Variants in ADGRB3 observed in about 807,000 individuals in gnomAD.
ADGRB3 encodes the protein adhesion G protein-coupled receptor B3.
Under a neutral mutation model 193.4 loss-of-function variants are expected in ADGRB3, and 37 were observed. The observed-to-expected ratio is 0.19, with a 90% CI of 0.15 to 0.25. The LOEUF (loss-of-function observed/expected upper bound fraction) is 0.25. Ranked by LOEUF, ADGRB3 falls within the 10% of genes least tolerant of loss-of-function variation. ADGRB3 has a pLI of 1.00. For synonymous variants in ADGRB3, 690 were observed against 644.2 expected (o/e 1.07, Z -1.08); for missense variants, 1,637 against 1,852.9 (o/e 0.88, Z 2.14).
At chr6:68,756,021 G>A (rs1177103834) in intron 3 of ADGRB3, among the ~76,000 whole-genome samples, 2 of 152,122 alleles carry the variant, frequency 1.3e-5, no homozygotes, top group African/African-American at 4.8e-5. Context: ...GGCCCTATTA[G>A]GAAGAGCTTT....
At chr6:69,266,288 C>A (rs1050897983) in intron 20 of ADGRB3, among the ~76,000 whole-genome samples, 4 of 152,004 alleles carry the variant, frequency 2.6e-5, no homozygotes, top group Admixed American at 1.3e-4. Flanking sequence ...GGACAAAGAA[C>A]AAAATCTGCA....
At chr6:69,135,903 A>G (rs1414199903) in intron 17 of ADGRB3, among the ~76,000 whole-genome samples, 1 of 152,102 alleles carries the variant, frequency 6.6e-6, no homozygotes, top group Non-Finnish European at 1.5e-5. Context: ...CCTCTACAAA[A>G]GATTCCCTGT....
At chr6:68,841,809 T>C (rs935716220) in intron 3 of ADGRB3, among the ~76,000 whole-genome samples, 85 of 152,024 alleles carry the variant, frequency 5.6e-4, no homozygotes, top group African/African-American at 2.0e-3. Context: ...GAACTGAAAA[T>C]TAAAACAATT....
chr6:68,827,440 GA>G (rs1767866379), intron 3 of ADGRB3, among the ~76,000 whole-genome samples: 2 of 151,878 alleles, frequency 1.3e-5, no homozygotes, highest in East Asian at 1.9e-4. Flanking sequence ...CGATAAAAGA[GA>G]TTTTTTTTTT....
chr6:68,954,683 C>CTTT (rs146229021), intron 6 of ADGRB3, among the ~76,000 whole-genome samples: 60 of 140,718 alleles, frequency 4.3e-4, no homozygotes, highest in African/African-American at 1.4e-3. Context: ...CGTTCAATGG[C>CTTT]TTTTTTTTTT....
At chr6:69,157,989 A>G (rs1314782887) in intron 17 of ADGRB3, among the ~76,000 whole-genome samples, 1 of 152,140 alleles carries the variant, frequency 6.6e-6, no homozygotes, top group East Asian at 1.9e-4. Flanking sequence ...GTATTTTGTT[A>G]CTTGCAGTAG....
At chr6:68,824,592 A>G (rs9354803) in intron 3 of ADGRB3, among the ~76,000 whole-genome samples, 20,668 of 148,092 alleles carry the variant, frequency 0.14, 2,465 homozygotes, top group East Asian at 0.64. Context: ...ATACATATGT[A>G]TAATCATGCA....
chr6:68,909,971 G>A (rs1053134374), intron 3 of ADGRB3, among the ~76,000 whole-genome samples: 1 of 152,200 alleles, frequency 6.6e-6, no homozygotes, highest in African/African-American at 2.4e-5. Context: ...GATCCCTGAG[G>A]AATCGCCACG....
At chr6:68,942,465 G>A (rs73747868) in intron 5 of ADGRB3, among the ~76,000 whole-genome samples, 5,141 of 152,130 alleles carry the variant, frequency 0.034, 260 homozygotes, top group African/African-American at 0.12. Flanking sequence ...CCAACATCAA[G>A]ACAGGAGCTT....
At position 68,870,808 on chromosome 6, in the gene ADGRB3, T is replaced by C. The variant is rs76826246; in HGVS notation, c.758-59751T>C. ...GTTGGGTTTCATGAGGCTAGACCAG[T>C]AAATATCTGTGATGTGTTTAGAAGA... On this transcript the variant is annotated intron_variant, in intron 3 of 31. Coordinates refer to ENST00000370598, the MANE Select transcript of ADGRB3 (RefSeq NM_001704.3). 9.8e-5 allele frequency among the ~76,000 whole-genome samples: 15 copies of C among 152,292 alleles called. No homozygotes were observed. In the East Asian group the frequency reaches 2.9e-3, roughly 29 times the overall value.
chr6:68,705,507 G>C (rs534043397), intron 3 of ADGRB3, among the ~76,000 whole-genome samples: 20 of 152,148 alleles, frequency 1.3e-4, no homozygotes, highest in Non-Finnish European at 2.6e-4. Flanking sequence ...AATCATGATG[G>C]AATCAAACAA....
rs143009117 is a variant in ADGRB3, at chr6:69,120,779, T to C, written c.2480+44741T>C. 3.3e-5 allele frequency among the ~76,000 whole-genome samples: 5 copies of C among 152,292 alleles called. 1 individual carries two copies. The highest frequency in any genetic ancestry group is 1.2e-4 in the African/African-American group (5 of 41,556). On this transcript the variant is annotated intron_variant, in intron 17 of 31. Transcript: ENST00000370598. The stretch of plus-strand genomic sequence containing the variant: ...AATTACATGGAAAATCAGAGTTTTA[T>C]TGAAGTTTTCCTCGAGCTTTAAAAC...
intron 3 of ADGRB3, among the ~76,000 whole-genome samples, chr6:68,832,869 C>T (rs565450632): frequency 8.5e-5 from 13 of 152,258 alleles, no homozygotes; most frequent in African/African-American, 3.1e-4. Context: ...GAATCAGAAG[C>T]ATGCTTGTTC....
At chr6:69,107,201 TATTA>T (rs55833137) in intron 17 of ADGRB3, among the ~76,000 whole-genome samples, 30,036 of 152,084 alleles carry the variant, frequency 0.2, 3,235 homozygotes, top group Middle Eastern at 0.33. Context: ...TGTGATTTCT[TATTA>T]ATTAGCCTTT....
At chr6:68,883,597 G>T (rs1382518065) in intron 3 of ADGRB3, among the ~76,000 whole-genome samples, 1 of 151,784 alleles carries the variant, frequency 6.6e-6, no homozygotes, top group African/African-American at 2.4e-5. Context: ...AACAACTCTG[G>T]ACTGGAGGAA....
intron 20 of ADGRB3, among the ~76,000 whole-genome samples, chr6:69,251,440 C>T (rs1324256818): frequency 1.3e-5 from 2 of 152,042 alleles, no homozygotes; most frequent in Non-Finnish European, 2.9e-5. Flanking sequence ...AGAACATTAT[C>T]TGTTTGATTT....
chr6:69,212,077 A>G (rs1298582643), intron 17 of ADGRB3, among the ~76,000 whole-genome samples: 1 of 152,216 alleles, frequency 6.6e-6, no homozygotes, highest in Non-Finnish European at 1.5e-5. Flanking sequence ...ATTCTGATGC[A>G]AGAACATAAT....
rs770076568 is a variant in ADGRB3 at position 68,993,762 on chromosome 6, T to C, written c.1735-6T>C. Reference sequence around the variant, plus strand: ...GATGTTTGCTCTGTTCTTTTGACCATCACAGATTAAAGAGCACCTTGCTAA... The same window carrying C: ...GATGTTTGCTCTGTTCTTTTGACCACCACAGATTAAAGAGCACCTTGCTAA... On this transcript the variant is annotated splice_region_variant and splice_polypyrimidine_tract_variant and intron_variant, in intron 10 of 31. Transcript: ENST00000370598. The C allele has an allele frequency of 6.8e-6, 11 of 1,611,382 alleles. No individual in the cohort carries two copies. In the South Asian group the frequency reaches 7.7e-5, roughly 11 times the overall value.
chr6:69,193,108 T>C (rs939178054), intron 17 of ADGRB3, among the ~76,000 whole-genome samples: 1 of 152,174 alleles, frequency 6.6e-6, no homozygotes, highest in African/African-American at 2.4e-5. Context: ...GATACTTGTA[T>C]AGAGGATCAT....
Sources: allele counts gnomAD v4.1 joint callset (sites outside exome capture counted in the v4.1 genomes callset), GRCh38; gene constraint gnomAD v4.1.1; transcripts MANE v1.5; gene names NCBI Gene and HGNC (gene_info 2026-07-23, HGNC 2026-07-21).